Variants in PIGN observed in about 807,000 individuals in gnomAD.
PIGN encodes the protein phosphatidylinositol glycan anchor biosynthesis class N.
A neutral mutation model predicts 125.4 loss-of-function variants in PIGN; 117 were observed. The ratio of observed to expected loss-of-function variants is 0.93; its 90% CI spans 0.80 to 1.09. The LOEUF is 1.09. PIGN is among the 50% of genes least tolerant of loss of function. The pLI, the probability that PIGN is intolerant of heterozygous loss-of-function variation, is 0.00. For synonymous variants in PIGN, 392 were observed against 377.8 expected, an observed-to-expected ratio of 1.04 and a Z score of -0.44; for missense variants, 1,075 against 1,094.9, an observed-to-expected ratio of 0.98 and a Z score of 0.26.
chr18:62,124,015 A>C (rs2035410014), intron 14 of PIGN, among the ~76,000 whole-genome samples: 1 of 152,182 alleles, frequency 6.6e-6, no homozygotes, highest in Non-Finnish European at 1.5e-5. Flanking sequence ...TGCATGAAGC[A>C]TCATATAGAG....
chr18:62,098,970 T>C (rs1006753402), intron 22 of PIGN, among the ~76,000 whole-genome samples: 1 of 152,062 alleles, frequency 6.6e-6, no homozygotes, highest in Admixed American at 6.6e-5. Context: ...AATGTACAAG[T>C]GTGCTCTGCT....
At chr18:62,060,590 C>CT (rs1057157362) in intron 30 of PIGN, among the ~76,000 whole-genome samples, 19 of 152,022 alleles carry the variant, frequency 1.2e-4, no homozygotes, top group Admixed American at 2.6e-4. Context: ...TGAGTTCTCT[C>CT]TTTTTTTTGA....
chr18:62,129,073 T>C (rs1232020837), intron 14 of PIGN, among the ~76,000 whole-genome samples: 1 of 152,130 alleles, frequency 6.6e-6, no homozygotes, highest in Non-Finnish European at 1.5e-5. Flanking sequence ...CTCAATTCCT[T>C]ACTCCCTTCT....
intron 17 of PIGN, 146 bp from the exon 18 acceptor site, chr18:62,107,231 C>T: frequency 1.6e-6 from 1 of 621,524 alleles, no homozygotes; most frequent in Non-Finnish European, 2.9e-6. Context: ...GGATTTGTTT[C>T]AAGGGCTTTA....
rs2034426987 is a variant in PIGN, at chr18:62,101,248, T to C, written c.1969-65A>G. The stretch of plus-strand genomic sequence containing the variant: ...AGTGAAAGACTCTAACTAGCAAGAA[T>C]GTAAGACATTCTTATTTCTGAGACA... On this transcript the variant is annotated intron_variant, in intron 21 of 30. Coordinates refer to ENST00000640252, the MANE Select transcript of PIGN (RefSeq NM_176787.5). 18 of 862,044 alleles carry C rather than the reference T, an allele frequency of 2.1e-5. No homozygotes were observed. In the South Asian group the frequency reaches 2.6e-4, roughly 12 times the overall value. The allele number at this position is 862,044 out of a possible 1,614,324, so 53.4% of individuals were successfully genotyped here.
intron 30 of PIGN, among the ~76,000 whole-genome samples, chr18:62,055,614 C>T (rs1275495684): frequency 6.6e-6 from 1 of 151,984 alleles, no homozygotes; most frequent in African/African-American, 2.4e-5. Context: ...ATATGTTATA[C>T]TATAGTTCTG....
rs1455834852 is a variant in PIGN, at chr18:62,052,420, C to G, written c.2673-6441G>C. 3 of 151,180 alleles carry G rather than the reference C, an allele frequency of 2.0e-5. No homozygotes were observed. The South Asian group carries it at 6.3e-4, about 32-fold the overall frequency. 9.4% of individuals were successfully genotyped at this position (151,180 alleles called of 1,614,324 possible). ...GTGCATATATATTTAGGATACTTAG[C>G]TCTTCTTGTTGAATTGATCCCTTTA... On this transcript the variant is annotated intron_variant, in intron 30 of 30. Coordinates refer to ENST00000640252, the MANE Select transcript of PIGN (RefSeq NM_176787.5).
downstream of PIGN, among the ~76,000 whole-genome samples, chr18:62,038,327 T>A (rs1475403245): frequency 1.4e-5 from 2 of 143,310 alleles, no homozygotes; most frequent in African/African-American, 5.0e-5. Flanking sequence ...TTTTTTTTTT[T>A]TGAAAAGATT....
chr18:62,154,562 C>T lies in PIGN; in HGVS notation c.532G>A (p.Val178Ile), dbSNP rs779347285. Reference protein sequence around the residue: ...AQDATKLDTWVFDNVKDFFHH... With the variant: ...AQDATKLDTWIFDNVKDFFHH... ...GCACAAACCTTAACATTATCAAAAACCCACGTATCCAGTTTTGTTGCATCT... is the reference window on the plus strand; with the variant it reads ...GCACAAACCTTAACATTATCAAAAATCCACGTATCCAGTTTTGTTGCATCT... Residue 178 changes from valine to isoleucine, a missense_variant, in exon 7 of 31, where the codon GTT (valine) becomes ATT (isoleucine). This residue lies in a region of PIGN where 915 missense variants were observed against 908.7 expected (regional missense o/e 1.01). Transcript: ENST00000640252. The T allele has an allele frequency of 6.5e-7, 1 of 1,538,858 alleles. No homozygotes were observed. The highest frequency in any genetic ancestry group is 9.0e-7 in the Non-Finnish European group (1 of 1,112,830).
chr18:62,167,931 C>T (rs187660629), intron 1 of PIGN, among the ~76,000 whole-genome samples: 6 of 151,916 alleles, frequency 3.9e-5, no homozygotes, highest in South Asian at 4.2e-4. Flanking sequence ...CGGTGGCTCA[C>T]GCTTGCAATC....
At chr18:62,119,974 G>T (rs1004806546) in intron 14 of PIGN, among the ~76,000 whole-genome samples, 1 of 152,106 alleles carries the variant, frequency 6.6e-6, no homozygotes, top group Non-Finnish European at 1.5e-5. Flanking sequence ...TGATGAAACA[G>T]GTCTAATATG....
At chr18:62,177,825 G>T (rs545562775) in intron 1 of PIGN, among the ~76,000 whole-genome samples, 2 of 152,192 alleles carry the variant, frequency 1.3e-5, no homozygotes, top group South Asian at 2.1e-4. Flanking sequence ...TTCCTTAAAT[G>T]CCTAAAACAA....
intron 30 of PIGN, among the ~76,000 whole-genome samples, chr18:62,054,250 T>C (rs1315888436): frequency 6.6e-6 from 1 of 151,714 alleles, no homozygotes; most frequent in Non-Finnish European, 1.5e-5. Flanking sequence ...AAAAGTAAAA[T>C]GTAAAAACAT....
At chr18:62,154,181 A>G (rs976890062) in intron 7 of PIGN, 37 of 271,794 alleles carry the variant, frequency 1.4e-4, no homozygotes, top group Non-Finnish European at 2.1e-4. Flanking sequence ...TAAATGTATT[A>G]CATTTGAACA....
intron 28 of PIGN, among the ~76,000 whole-genome samples, chr18:62,077,293 G>A (rs1422962110): frequency 2.0e-5 from 3 of 152,040 alleles, no homozygotes; most frequent in Non-Finnish European, 2.9e-5. Flanking sequence ...CACGAGAATC[G>A]ATTGAATGTG....
rs372887693 is a variant in PIGN, at chr18:62,109,171, G to A, written c.1574+663C>T. Among the ~76,000 whole-genome samples the A allele has an allele frequency of 3.8e-4, 58 of 152,252 alleles. No homozygotes were observed. The South Asian group carries it at 0.011, about 30-fold the overall frequency. The stretch of plus-strand genomic sequence containing the variant: ...GCAACATGACTCCAGCTGCCAGTGA[G>A]CATGAACTAGTACTCCCTTCTAGTG... On this transcript the variant is annotated intron_variant, in intron 17 of 30. Coordinates refer to ENST00000640252, the MANE Select transcript of PIGN (RefSeq NM_176787.5).
rs188671069 is a variant in PIGN, at chr18:62,187,032, C to G, written c.-424G>C. 0.021 allele frequency: 3,232 copies of G among 153,368 alleles called. 33 individuals are homozygous for G. Among genetic ancestry groups the G allele is most frequent in the Middle Eastern group, 0.081 (24 of 298 alleles). 9.5% of individuals were successfully genotyped at this position (153,368 alleles called of 1,614,324 possible). A position where few individuals can be genotyped will look rare whatever the true frequency, so the allele number is the denominator to read the frequency against. ...GGAACGCCCCCAATACCTGCCCGGC[C>G]GCTGCTGCTATCGCGATAATTCTCG... On this transcript the variant is annotated 5_prime_UTR_variant, in exon 1 of 31. Transcript: ENST00000640252.
At chr18:62,081,743 T>C (rs2033459316) in intron 28 of PIGN, among the ~76,000 whole-genome samples, 2 of 152,190 alleles carry the variant, frequency 1.3e-5, no homozygotes, top group African/African-American at 2.4e-5. Context: ...TGCATCTAAG[T>C]AAATATCTCT....
In PIGN at chr18:62,026,870, G is replaced by C. The variant is rs537487106; in HGVS notation, c.2143-9129C>G. Among the ~76,000 whole-genome samples, 9 of 152,332 alleles carry C rather than the reference G, an allele frequency of 5.9e-5. No homozygotes were observed. In the South Asian group the frequency reaches 8.3e-4, roughly 14 times the overall value. On this transcript the variant is annotated intron_variant, in intron 23 of 24. Transcript: ENST00000639600. ...GCAAATGTGCAAATCAGTGTGGCCT[G>C]AGAAGGATGTTTCCTTTGAGGGACA...
Sources: allele counts gnomAD v4.1 joint callset (sites outside exome capture counted in the v4.1 genomes callset), GRCh38; gene constraint gnomAD v4.1.1; regional missense constraint gnomAD v4.1.1; transcripts MANE v1.5; gene names NCBI Gene and HGNC (gene_info 2026-07-23, HGNC 2026-07-21).